Variants in PITPNM2 observed in about 807,000 individuals in gnomAD.
PITPNM2 encodes phosphatidylinositol transfer protein membrane associated 2.
Under a neutral mutation model 132.2 loss-of-function variants are expected in PITPNM2, and 35 were observed. The observed-to-expected ratio is 0.26, with a 90% CI of 0.20 to 0.35. The LOEUF is 0.35. Ranked by LOEUF, PITPNM2 falls within the 10% of genes least tolerant of loss-of-function variation. The pLI is 1.00. For synonymous variants in PITPNM2, 738 were observed against 799.2 expected, an observed-to-expected ratio of 0.92 and a Z score of 1.29; for missense variants, 1,332 against 1,912.0, an observed-to-expected ratio of 0.70 and a Z score of 5.66.
At chr12:122,991,289 G>C (rs556904369) in intron 16 of PITPNM2, among the ~76,000 whole-genome samples, 94 of 152,352 alleles carry the variant, frequency 6.2e-4, no homozygotes, top group African/African-American at 2.0e-3. Context: ...AGACAGGACA[G>C]AACAGGGAGG....
In PITPNM2 at chr12:122,993,186, A is replaced by G. The variant is rs1451263363; in HGVS notation, c.2234-517T>C. 6.6e-6 allele frequency among the ~76,000 whole-genome samples: 1 copy of G among 152,138 alleles called. No individual in the cohort carries two copies. On this transcript the variant is annotated intron_variant, in intron 15 of 25. Coordinates refer to ENST00000320201, the MANE Select transcript of PITPNM2 (RefSeq NM_020845.3). This position sits in a 1 kb window ranked among gnomAD's most constrained non-coding sequence, Gnocchi z 5.2. ...TGTGGTAAAAGGTGGTTTGCAGTAC[A>G]GAAGAGCATATGATGAAGGGCACAT...
intron 3 of PITPNM2, among the ~76,000 whole-genome samples, chr12:123,029,238 A>G (rs1337679649): frequency 1.3e-5 from 2 of 152,176 alleles, no homozygotes; most frequent in Admixed American, 6.5e-5. Context: ...GTGGACCTCA[A>G]TTTCCCCATA....
chr12:123,086,225 T>G (rs968876169), intron 2 of PITPNM2, among the ~76,000 whole-genome samples: 1 of 152,316 alleles, frequency 6.6e-6, no homozygotes, highest in African/African-American at 2.4e-5. Flanking sequence ...TCCTGCTCCC[T>G]GGCTACAGAA....
intron 1 of PITPNM2, among the ~76,000 whole-genome samples, chr12:123,113,283 A>G (rs1460903161): frequency 6.6e-6 from 1 of 152,200 alleles, no homozygotes; most frequent in Non-Finnish European, 1.5e-5. Flanking sequence ...ACCCATACGT[A>G]TGGTAGGTGG....
At chr12:123,034,760 G>C (rs1206348333) in intron 2 of PITPNM2, 75 bp from the exon 3 acceptor site, 11 of 617,734 alleles carry the variant, frequency 1.8e-5, no homozygotes, top group Non-Finnish European at 3.2e-5. Context: ...CAGAGGAAAG[G>C]CCCGGTCTAC....
At position 123,064,837 on chromosome 12, in the gene PITPNM2, C is replaced by T. The variant is rs2041361910; in HGVS notation, c.-95-30152G>A. Among the ~76,000 whole-genome samples, 1 of 152,232 alleles carries T rather than the reference C, an allele frequency of 6.6e-6. No individual in the cohort carries two copies. Among genetic ancestry groups the T allele is most frequent in the East Asian group, 1.9e-4 (1 of 5,194 alleles). Reference sequence around the variant, plus strand: ...ACTAGCTCTGGGGCCAGACCACGTTCACATTCAAGCCTTGTCTTTGAGCAA... The same window carrying T: ...ACTAGCTCTGGGGCCAGACCACGTTTACATTCAAGCCTTGTCTTTGAGCAA... On this transcript the variant is annotated intron_variant, in intron 2 of 25. Transcript: ENST00000320201. The surrounding 1 kb of genome is among the most constrained non-coding windows in gnomAD (Gnocchi z 4.0).
intron 3 of PITPNM2, among the ~76,000 whole-genome samples, chr12:123,032,477 A>AAAAC (rs112632714): frequency 0.29 from 43,686 of 150,600 alleles, 6,490 homozygotes; most frequent in South Asian, 0.4. Context: ...CTCCATCTCA[A>AAAAC]AAACAAACAA....
chr12:123,089,055 A>G (rs531976004), intron 2 of PITPNM2: 15 of 152,306 alleles, frequency 9.8e-5, no homozygotes, highest in African/African-American at 2.9e-4. Context: ...GCTAATTTGT[A>G]TCCCCAGTGC....
intron 2 of PITPNM2, among the ~76,000 whole-genome samples, chr12:123,054,765 C>A (rs1362982379): frequency 1.3e-5 from 2 of 152,170 alleles, no homozygotes; most frequent in Non-Finnish European, 2.9e-5. Context: ...TCCTGAAGGG[C>A]AGAAAGATAC....
At position 123,150,317 on chromosome 12, in the gene PITPNM2, C is replaced by G. The variant is rs1334005470; in HGVS notation, c.-200+436G>C. Among the ~76,000 whole-genome samples the G allele has an allele frequency of 6.6e-6, 1 of 152,050 alleles. No individual in the cohort carries two copies. Among genetic ancestry groups the G allele is most frequent in the African/African-American group, 2.4e-5 (1 of 41,416 alleles). On this transcript the variant is annotated intron_variant, in intron 1 of 25. Coordinates refer to ENST00000320201, the MANE Select transcript of PITPNM2 (RefSeq NM_020845.3). The surrounding 1 kb of genome is among the most constrained non-coding windows in gnomAD (Gnocchi z 6.0). The stretch of plus-strand genomic sequence containing the variant: ...GCCACGGCCCGGGCCTGGGGACGTT[C>G]AGCTGGAGGCGGGAAGCAGAGAAGG...
chr12:123,027,755 G>C (rs182582603), intron 3 of PITPNM2, among the ~76,000 whole-genome samples: 7 of 152,292 alleles, frequency 4.6e-5, no homozygotes, highest in Admixed American at 1.3e-4. Context: ...GGTAAAGATT[G>C]GTCAAATGAA....
chr12:123,039,018 G>C (rs2040369903), intron 2 of PITPNM2, among the ~76,000 whole-genome samples: 1 of 150,924 alleles, frequency 6.6e-6, no homozygotes, highest in South Asian at 2.1e-4. Flanking sequence ...GCTAAGGGCA[G>C]AGCTGAGGGT....
At position 122,986,006 on chromosome 12, in the gene PITPNM2, C is replaced by T; in HGVS notation, c.*21G>A. 3 of 1,383,104 alleles carry T rather than the reference C, an allele frequency of 2.2e-6. No homozygotes were observed. The highest frequency in any genetic ancestry group is 3.0e-5 in the East Asian group (1 of 33,414). 85.7% of individuals were successfully genotyped at this position (1,383,104 alleles called of 1,614,324 possible). A position where few individuals can be genotyped will look rare whatever the true frequency, so the allele number is the denominator to read the frequency against. On this transcript the variant is annotated 3_prime_UTR_variant, in exon 26 of 26. Transcript: ENST00000320201. ...ACCCTGGCCTAGCACCATGGAGACCCCGCGCTGCACTCACGGTGCCCTACT... is the reference window on the plus strand; with the variant it reads ...ACCCTGGCCTAGCACCATGGAGACCTCGCGCTGCACTCACGGTGCCCTACT...
rs939213802 is a variant in PITPNM2 at position 123,103,522 on chromosome 12, C to T, written c.-96+6863G>A. On this transcript the variant is annotated intron_variant, in intron 2 of 25. Transcript: ENST00000320201. Reference sequence around the variant, plus strand: ...AATCCTCAGCTCACAAAGTCTCAGGCTCCTGCTGGCCAGCGGAGGCTGGGC... The same window carrying T: ...AATCCTCAGCTCACAAAGTCTCAGGTTCCTGCTGGCCAGCGGAGGCTGGGC... Among the ~76,000 whole-genome samples, 3 of 152,232 alleles carry T rather than the reference C, an allele frequency of 2.0e-5. No homozygotes were observed. In the East Asian group the frequency reaches 5.8e-4, roughly 29 times the overall value.
intron 1 of PITPNM2, among the ~76,000 whole-genome samples, chr12:123,122,910 C>T (rs531271789): frequency 3.3e-5 from 5 of 152,314 alleles, no homozygotes; most frequent in East Asian, 1.9e-4. Context: ...ACCACTGCCT[C>T]GCACTCACAC....
chr12:123,067,002 C>G (rs1322934633), intron 2 of PITPNM2, among the ~76,000 whole-genome samples: 2 of 151,972 alleles, frequency 1.3e-5, no homozygotes, highest in Admixed American at 1.3e-4. Flanking sequence ...TAGTGCAGCC[C>G]CCTCCCCAAA....
intron 2 of PITPNM2, chr12:123,075,811 G>A (rs1345945998): frequency 6.6e-6 from 1 of 152,296 alleles, no homozygotes; most frequent in Non-Finnish European, 1.5e-5. Flanking sequence ...ATCTACCTCA[G>A]GCAAATGCAG....
At chr12:123,136,027 C>T (rs139556544) in intron 1 of PITPNM2, among the ~76,000 whole-genome samples, 7 of 151,970 alleles carry the variant, frequency 4.6e-5, no homozygotes, top group Non-Finnish European at 7.4e-5. Context: ...TTTGGCCAGG[C>T]GCAGTGGCTC....
At chr12:123,017,848 G>A (rs911219088) in intron 3 of PITPNM2, among the ~76,000 whole-genome samples, 5 of 152,202 alleles carry the variant, frequency 3.3e-5, no homozygotes, top group African/African-American at 1.2e-4. Context: ...ATTAGTGGTG[G>A]CCTGCTGCTG....
Sources: allele counts gnomAD v4.1 joint callset (sites outside exome capture counted in the v4.1 genomes callset), GRCh38; gene constraint gnomAD v4.1.1; non-coding constraint Gnocchi (gnomAD v3.1); transcripts MANE v1.5; gene names NCBI Gene and HGNC (gene_info 2026-07-23, HGNC 2026-07-21).